PDE4D: variants seen among roughly 807,000 people sequenced by gnomAD.
The protein encoded by PDE4D is 3',5'-cyclic-AMP phosphodiesterase 4D.
A neutral mutation model predicts 87.4 loss-of-function variants in PDE4D; 24 were observed. The ratio of observed to expected loss-of-function variants is 0.27; its 90% CI spans 0.20 to 0.39. The LOEUF is 0.39. Among genes scored for constraint, PDE4D ranks in the 10% least tolerant of loss-of-function variants. The pLI is 1.00. For missense variants in PDE4D, 714 were observed against 1,041.0 expected (o/e 0.69, Z 4.32); for synonymous variants, 384 against 383.2 (o/e 1.00, Z -0.02).
At chr5:59,126,913 G>C (rs146302441) in intron 5 of PDE4D, among the ~76,000 whole-genome samples, 9 of 152,308 alleles carry the variant, frequency 5.9e-5, no homozygotes, top group African/African-American at 2.2e-4. Context: ...TGGAGAGTTA[G>C]AGTGGAACAA....
chr5:60,471,219 C>T (rs1487066793), intron 1 of PDE4D, among the ~76,000 whole-genome samples: 1 of 152,102 alleles, frequency 6.6e-6, no homozygotes, highest in Non-Finnish European at 1.5e-5. Flanking sequence ...AGCAAGAGAA[C>T]TAGAATTAGA....
intron 1 of PDE4D, among the ~76,000 whole-genome samples, chr5:60,515,448 TTC>T (rs1392216348): frequency 1.3e-5 from 2 of 152,150 alleles, no homozygotes; most frequent in African/African-American, 4.8e-5. Context: ...GTTTCTAAAT[TTC>T]TAATACATGG....
At chr5:60,423,244 C>G (rs903368831) in intron 1 of PDE4D, among the ~76,000 whole-genome samples, 1 of 152,174 alleles carries the variant, frequency 6.6e-6, no homozygotes, top group Non-Finnish European at 1.5e-5. Context: ...AATATACATT[C>G]TTCTCAGGAC....
At chr5:60,007,111 T>C (rs1473360305) in intron 2 of PDE4D, among the ~76,000 whole-genome samples, 1 of 152,040 alleles carries the variant, frequency 6.6e-6, no homozygotes, top group Non-Finnish European at 1.5e-5. Context: ...TATACTTAAC[T>C]ATGTGTTCCT....
At chr5:59,574,529 T>C (rs1056314171) in intron 1 of PDE4D, among the ~76,000 whole-genome samples, 5 of 152,140 alleles carry the variant, frequency 3.3e-5, no homozygotes, top group Non-Finnish European at 7.3e-5. Context: ...AGTTAACCAG[T>C]CAGCATCAGA....
chr5:59,552,883 C>T (rs545015413), intron 1 of PDE4D, among the ~76,000 whole-genome samples: 2 of 152,264 alleles, frequency 1.3e-5, no homozygotes, highest in Admixed American at 1.3e-4. Context: ...GGTTGAGGGA[C>T]TTCCTTCTTA....
chr5:60,040,294 C>G (rs1562010972), intron 2 of PDE4D, among the ~76,000 whole-genome samples: 1 of 152,262 alleles, frequency 6.6e-6, no homozygotes, highest in South Asian at 2.1e-4. Flanking sequence ...TGTCACATCA[C>G]CAGCAGGATG....
At chr5:59,096,130 G>A (rs978605402) in intron 5 of PDE4D, among the ~76,000 whole-genome samples, 1 of 152,174 alleles carries the variant, frequency 6.6e-6, no homozygotes, top group African/African-American at 2.4e-5. Context: ...AGCTGAAAAG[G>A]AGGAGCTGGG....
chr5:60,230,734 A>C (rs553796369), intron 1 of PDE4D, among the ~76,000 whole-genome samples: 1 of 152,250 alleles, frequency 6.6e-6, no homozygotes, highest in African/African-American at 2.4e-5. Context: ...ATATGATGAC[A>C]TAAGTAAAGG....
In PDE4D at chr5:59,566,581, T is replaced by TGA. The variant is rs1259091113; in HGVS notation, c.455+326586_455+326587insTC. ...GTGTGTGTGTGTGTGTGTGTGTGTGTGTGAGAGAATGAGAGAGAGAGAGAA... is the reference window on the plus strand; with the variant it reads ...GTGTGTGTGTGTGTGTGTGTGTGTGTGAGTGAGAGAATGAGAGAGAGAGAGAA... On this transcript the variant is annotated intron_variant, in intron 1 of 14. Transcript: ENST00000340635. 2.3e-3 allele frequency among the ~76,000 whole-genome samples: 332 copies of TGA among 145,362 alleles called. 4 individuals are homozygous for TGA. The highest frequency in any genetic ancestry group is 7.1e-3 in the East Asian group (35 of 4,924).
chr5:59,104,526 C>T (rs1348520296), intron 5 of PDE4D, among the ~76,000 whole-genome samples: 2 of 152,164 alleles, frequency 1.3e-5, no homozygotes, highest in Non-Finnish European at 2.9e-5. Flanking sequence ...GGATACATAG[C>T]CTTGAAATGT....
intron 1 of PDE4D, among the ~76,000 whole-genome samples, chr5:59,501,535 G>A (rs1428037237): frequency 6.6e-6 from 1 of 152,258 alleles, no homozygotes; most frequent in South Asian, 2.1e-4. Flanking sequence ...TTGGAAGGCA[G>A]GAAAATGAGG....
intron 1 of PDE4D, among the ~76,000 whole-genome samples, chr5:59,809,516 C>G (rs1237366200): frequency 6.6e-6 from 1 of 152,072 alleles, no homozygotes; most frequent in African/African-American, 2.4e-5. Context: ...CATTTATGTA[C>G]CAAATTTACC....
intron 1 of PDE4D, among the ~76,000 whole-genome samples, chr5:59,222,710 T>G (rs1479273979): frequency 6.6e-6 from 1 of 152,216 alleles, no homozygotes; most frequent in African/African-American, 2.4e-5. Context: ...AAGATGTTTA[T>G]TTAAGAGTTA....
At chr5:60,032,888 C>T (rs1222247169) in intron 2 of PDE4D, 1 of 152,138 alleles carries the variant, frequency 6.6e-6, no homozygotes, top group Non-Finnish European at 1.5e-5. Context: ...ATCCATATTG[C>T]GTACTTTGAA....
chr5:60,482,820 T>G (rs1748837337), intron 1 of PDE4D, among the ~76,000 whole-genome samples: 1 of 152,158 alleles, frequency 6.6e-6, no homozygotes, highest in Non-Finnish European at 1.5e-5. Flanking sequence ...ATTTTAGATT[T>G]TATAACATAA....
chr5:59,633,711 C>G (rs1831863849), intron 1 of PDE4D, among the ~76,000 whole-genome samples: 1 of 152,132 alleles, frequency 6.6e-6, no homozygotes, highest in African/African-American at 2.4e-5. Context: ...CCCCACCAGG[C>G]CTGCCTTACA....
intron 1 of PDE4D, among the ~76,000 whole-genome samples, chr5:59,549,212 GCTACTTTTTCTA>G (rs896229213): frequency 3.3e-5 from 5 of 152,156 alleles, no homozygotes; most frequent in Non-Finnish European, 7.4e-5. Context: ...CTTTTAGAAA[GCTACTTTTTCTA>G]CCATTGTATA....
intron 5 of PDE4D, among the ~76,000 whole-genome samples, chr5:59,123,519 G>A (rs1580920000): frequency 6.6e-6 from 1 of 151,916 alleles, no homozygotes; most frequent in East Asian, 1.9e-4. Flanking sequence ...TTGTTATCTT[G>A]CCATCAAAAT....
Sources: gnomAD v4.1 joint callset for allele counts (sites outside exome capture counted in the v4.1 genomes callset) on GRCh38, gnomAD v4.1.1 for gene constraint, MANE v1.5 for transcripts, NCBI Gene and HGNC (gene_info 2026-07-23, HGNC 2026-07-21) for gene names.